Variants in SSH1 observed in about 807,000 individuals in gnomAD.
SSH1 encodes protein phosphatase Slingshot homolog 1.
In SSH1, 43 loss-of-function variants were observed where a neutral mutation model predicts 79.7. The observed-to-expected ratio is 0.54, with a 90% CI of 0.42 to 0.70. The LOEUF (loss-of-function observed/expected upper bound fraction) is 0.70. Ranked by LOEUF, SSH1 falls within the 30% of genes least tolerant of loss-of-function variation. SSH1 has a pLI of 0.00. For missense variants in SSH1, 1,206 were observed against 1,358.8 expected (o/e 0.89, Z 1.77); for synonymous variants, 599 against 538.3 (o/e 1.11, Z -1.56).
chr12:108,790,367 C>T (rs545124315), intron 14 of SSH1, among the ~76,000 whole-genome samples: 12 of 152,338 alleles, frequency 7.9e-5, no homozygotes, highest in Non-Finnish European at 1.0e-4. Flanking sequence ...TCAGACTGGT[C>T]TCAAACTCCT....
At chr12:108,834,617 T>C (rs1306792167) in intron 2 of SSH1, among the ~76,000 whole-genome samples, 1 of 151,854 alleles carries the variant, frequency 6.6e-6, no homozygotes, top group Non-Finnish European at 1.5e-5. Flanking sequence ...AAGGCGGGGG[T>C]CCTGAAACCA....
Position 108,852,633 on chromosome 12 carries a change from C to T in SSH1, c.110+5G>A, listed in dbSNP as rs778949667. The T allele has an allele frequency of 1.2e-6, 2 of 1,614,152 alleles. No homozygotes were observed. The highest frequency in any genetic ancestry group is 1.7e-6 in the Non-Finnish European group (2 of 1,180,014). On this transcript the variant is annotated splice_donor_5th_base_variant and intron_variant, in intron 2 of 14. Coordinates refer to ENST00000326495, the MANE Select transcript of SSH1 (RefSeq NM_018984.4). ...CTTAGGAACAAGAATTGAAAGTCTGCTTACCTGAGGTTTAATTTTCGATCT... is the reference window on the plus strand; with the variant it reads ...CTTAGGAACAAGAATTGAAAGTCTGTTTACCTGAGGTTTAATTTTCGATCT...
intron 2 of SSH1, among the ~76,000 whole-genome samples, chr12:108,824,818 A>C (rs563491717): frequency 1.8e-4 from 28 of 152,308 alleles, no homozygotes; most frequent in African/African-American, 6.5e-4. Context: ...CTTTTGCAAA[A>C]ATTAAGACAT....
At chr12:108,827,259 G>C in intron 2 of SSH1, 2 of 1,547,520 alleles carry the variant, frequency 1.3e-6, no homozygotes, top group Non-Finnish European at 1.7e-6. Context: ...GTGGTCATAC[G>C]TACTAATTTG....
At chr12:108,820,695 C>A (rs1436972444) in intron 3 of SSH1, among the ~76,000 whole-genome samples, 1 of 152,138 alleles carries the variant, frequency 6.6e-6, no homozygotes, top group African/African-American at 2.4e-5. Context: ...ACTACTTTTC[C>A]AAGGACAGAA....
chr12:108,837,817 C>T (rs971224684), intron 2 of SSH1, among the ~76,000 whole-genome samples: 3 of 151,720 alleles, frequency 2.0e-5, no homozygotes, highest in Admixed American at 1.3e-4. Context: ...CTTACTCTGT[C>T]GCCCAGGCTG....
intron 10 of SSH1, among the ~76,000 whole-genome samples, chr12:108,804,341 G>GTGGGCCCTGA (rs2037166849): frequency 6.6e-6 from 1 of 152,262 alleles, no homozygotes; most frequent in Non-Finnish European, 1.5e-5. Flanking sequence ...CCCGGCCCTG[G>GTGGGCCCTGA]TGGGCCCTGA....
At position 108,788,444 on chromosome 12, in the gene SSH1, G is replaced by A. The variant is rs777223087; in HGVS notation, c.2694C>T (p.Pro898=). The A allele has an allele frequency of 3.8e-6, 6 of 1,574,460 alleles. No individual in the cohort carries two copies. Among genetic ancestry groups the A allele is most frequent in the South Asian group, 1.2e-5 (1 of 84,312 alleles). Residue 898 remains proline, a synonymous_variant, in exon 15 of 15, where the codon CCC becomes CCT. Coordinates refer to ENST00000326495, the MANE Select transcript of SSH1 (RefSeq NM_018984.4). ...ASLEGGSLKS[P]PPFFYRLDHT... ...GGTCCAGGCGGTAGAAGAAAGGAGG[G>A]GGGCTCTTCAGTGAGCCTCCTTCCA...
At chr12:108,851,661 A>G (rs1335356389) in intron 2 of SSH1, among the ~76,000 whole-genome samples, 1 of 152,202 alleles carries the variant, frequency 6.6e-6, no homozygotes. Flanking sequence ...TTTGGTGTCC[A>G]TTAGTGAATA....
chr12:108,815,594 GC>G (rs2037848469), intron 5 of SSH1, among the ~76,000 whole-genome samples: 1 of 152,178 alleles, frequency 6.6e-6, no homozygotes, highest in Admixed American at 6.5e-5. Flanking sequence ...ACAGATAATG[GC>G]CAAATAGATG....
chr12:108,793,804 G>A lies in SSH1; in HGVS notation c.1350-975C>T, dbSNP rs115333933. 4.4e-3 allele frequency among the ~76,000 whole-genome samples: 667 copies of A among 152,326 alleles called. 6 individuals carry two copies. Among genetic ancestry groups the A allele is most frequent in the African/African-American group, 0.015 (629 of 41,574 alleles). On this transcript the variant is annotated intron_variant, in intron 13 of 14. Coordinates refer to ENST00000326495, the MANE Select transcript of SSH1 (RefSeq NM_018984.4). ...AGTAATACCAGTATCACAGGCTTGC[G>A]AGGGTTAAAAAGAGAGAGGTAAATG...
intron 13 of SSH1, among the ~76,000 whole-genome samples, chr12:108,793,230 A>G (rs570142756): frequency 6.6e-6 from 1 of 152,320 alleles, no homozygotes; most frequent in South Asian, 2.1e-4. Context: ...AAATGAAGGG[A>G]ATCAAAGTGG....
chr12:108,811,163 A>G lies in SSH1; in HGVS notation c.470+97T>C. ...CTGTGACACTCCCGCCACACGTGTCATTCAGTGCTAATGATCATCCAAGGA... is the reference window on the plus strand; with the variant it reads ...CTGTGACACTCCCGCCACACGTGTCGTTCAGTGCTAATGATCATCCAAGGA... On this transcript the variant is annotated intron_variant, in intron 6 of 14. Coordinates refer to ENST00000326495, the MANE Select transcript of SSH1 (RefSeq NM_018984.4). 4.5e-6 allele frequency: 5 copies of G among 1,110,160 alleles called. No individual in the cohort carries two copies. In the South Asian group the frequency reaches 6.2e-5, roughly 14 times the overall value. 68.8% of individuals were successfully genotyped at this position (1,110,160 alleles called of 1,614,324 possible).
At chr12:108,798,114 C>T (rs2036830173) in intron 13 of SSH1, among the ~76,000 whole-genome samples, 1 of 152,262 alleles carries the variant, frequency 6.6e-6, no homozygotes, top group African/African-American at 2.4e-5. Context: ...TCGCTCACCC[C>T]AGTTCCTGCA....
intron 1 of SSH1, chr12:108,853,464 G>A: frequency 3.9e-6 from 2 of 519,148 alleles, no homozygotes; most frequent in African/African-American, 2.1e-5. Flanking sequence ...CCCATTGAAT[G>A]GGAAAGAGAA....
intron 5 of SSH1, among the ~76,000 whole-genome samples, chr12:108,813,762 G>A (rs1293922980): frequency 1.4e-5 from 2 of 144,092 alleles, no homozygotes; most frequent in African/African-American, 5.1e-5. Context: ...GGGAGGGGAG[G>A]GGAGGGGAAG....
intron 5 of SSH1, chr12:108,811,544 G>T: frequency 1.7e-6 from 1 of 604,894 alleles, no homozygotes; most frequent in South Asian, 1.8e-5. Context: ...GCTTTTGGGT[G>T]CAGTGTGGGC....
At chr12:108,802,390 C>G (rs1163888506) in intron 10 of SSH1, 22 bp from the exon 11 acceptor site, 2 of 1,613,262 alleles carry the variant, frequency 1.2e-6, no homozygotes, top group Admixed American at 3.3e-5. Flanking sequence ...ATCACACAAG[C>G]TCCTGTGAGT....
intron 2 of SSH1, among the ~76,000 whole-genome samples, chr12:108,833,473 G>A (rs541450529): frequency 3.9e-4 from 60 of 152,286 alleles, no homozygotes; most frequent in Non-Finnish European, 6.8e-4. Context: ...ACTGTCCCAG[G>A]TTCTCAGCCC....
Sources: allele counts gnomAD v4.1 joint callset (sites outside exome capture counted in the v4.1 genomes callset), GRCh38; gene constraint gnomAD v4.1.1; transcripts MANE v1.5; gene names NCBI Gene and HGNC (gene_info 2026-07-23, HGNC 2026-07-21).